GNAI1: variants seen among roughly 807,000 people sequenced by gnomAD.
GNAI1 encodes guanine nucleotide-binding protein G(i) subunit alpha-1.
A neutral mutation model predicts 38.9 loss-of-function variants in GNAI1; 11 were observed. The observed-to-expected ratio is 0.28, with a 90% CI of 0.18 to 0.47. The LOEUF is 0.47. Among genes scored for constraint, GNAI1 ranks in the 20% least tolerant of loss-of-function variants. GNAI1 has a pLI of 0.99. For synonymous variants in GNAI1, 166 were observed against 145.1 expected (o/e 1.14, Z -1.04); for missense variants, 317 against 436.9 (o/e 0.73, Z 2.45).
At chr7:80,177,102 C>T (rs970846966) in intron 1 of GNAI1, among the ~76,000 whole-genome samples, 44 of 131,452 alleles carry the variant, frequency 3.3e-4, no homozygotes, top group African/African-American at 1.3e-3. Context: ...ACAATCTTGG[C>T]TCACTGCAAG....
Position 80,135,113 on chromosome 7 carries a change from C to A in GNAI1, c.-48C>A. 7.7e-7 allele frequency: 1 copy of A among 1,304,360 alleles called. No homozygotes were observed. The allele number at this position is 1,304,360 out of a possible 1,614,324, so 80.8% of individuals were successfully genotyped here. A position where few individuals can be genotyped will look rare whatever the true frequency, so the allele number is the denominator to read the frequency against. On this transcript the variant is annotated 5_prime_UTR_variant, in exon 1 of 8. Coordinates refer to ENST00000649796, the MANE Select transcript of GNAI1 (RefSeq NM_002069.6). ...AAAGGATTCCCCTGTGCTTGGAGCC[C>A]GCACTCGGGCGCGGAGGGAGCGGCG...
Position 80,193,393 on chromosome 7 carries a change from AT to A in GNAI1, c.303+4164del, listed in dbSNP as rs1444607828. On this transcript the variant is annotated intron_variant, in intron 3 of 7. Transcript: ENST00000649796. ...GGCAGTTACCAGATTTTCAAAACAG[AT>A]TAAAGACTGGTTATTTAAAATGAGA... 2.0e-5 allele frequency among the ~76,000 whole-genome samples: 3 copies of A among 152,332 alleles called. No individual in the cohort carries two copies. In the East Asian group the frequency reaches 5.8e-4, roughly 29 times the overall value.
chr7:80,135,305 G>A, intron 1 of GNAI1, 27 bp downstream of exon 1: 1 of 1,282,974 alleles, frequency 7.8e-7, no homozygotes, highest in Non-Finnish European at 1.0e-6. Flanking sequence ...CGGGGCCCGG[G>A]GGTCGGCGGG....
At chr7:80,158,838 G>A (rs747068771) in intron 1 of GNAI1, among the ~76,000 whole-genome samples, 6 of 152,172 alleles carry the variant, frequency 3.9e-5, no homozygotes, top group Non-Finnish European at 8.8e-5. Flanking sequence ...TTCATCCTGG[G>A]ATATGTAGGG....
In GNAI1 at chr7:80,176,900, G is replaced by A. The variant is rs568973840; in HGVS notation, c.119-12051G>A. Among the ~76,000 whole-genome samples the A allele has an allele frequency of 9.2e-5, 12 of 129,880 alleles. 1 individual carries two copies. In the East Asian group the frequency reaches 1.7e-3, roughly 18 times the overall value. The allele number at this position is 129,880 out of a possible 152,430, so 85.2% of individuals were successfully genotyped here. A position where few individuals can be genotyped will look rare whatever the true frequency, so the allele number is the denominator to read the frequency against. On this transcript the variant is annotated intron_variant, in intron 1 of 7. Coordinates refer to ENST00000649796, the MANE Select transcript of GNAI1 (RefSeq NM_002069.6). ...TGCAGTGAGCTGAGATCACGCCACC[G>A]CACTCTAGCCTGGGCGACAAGGGGA...
Position 80,221,636 on chromosome 7 carries a change from CTTTTTTTTT to C in GNAI1, c.*4160_*4168del, listed in dbSNP as rs71518978. Reference sequence around the variant, plus strand: ...ATTTTAATGTTAGGTTGGAAATTTTCTTTTTTTTTTTTTTTTTTTTTTTTTGGTATGGAG... The same window carrying C: ...ATTTTAATGTTAGGTTGGAAATTTTCTTTTTTTTTTTTTTTTGGTATGGAG... On this transcript the variant is annotated 3_prime_UTR_variant, in exon 8 of 8. Transcript: ENST00000649796. 2.1e-4 allele frequency among the ~76,000 whole-genome samples: 20 copies of C among 94,364 alleles called. No homozygotes were observed. The South Asian group carries it at 2.6e-3, about 13-fold the overall frequency. 61.9% of individuals were successfully genotyped at this position (94,364 alleles called of 152,430 possible).
intron 3 of GNAI1, among the ~76,000 whole-genome samples, chr7:80,192,798 G>C (rs948355617): frequency 6.6e-6 from 1 of 151,930 alleles, no homozygotes; most frequent in Non-Finnish European, 1.5e-5. Context: ...CTGGTTCAGC[G>C]ATTCTCCTGC....
chr7:80,156,494 C>G (rs1286762593), intron 1 of GNAI1, among the ~76,000 whole-genome samples: 2 of 151,516 alleles, frequency 1.3e-5, no homozygotes, highest in South Asian at 4.2e-4. Context: ...AGCGGTGCAA[C>G]CATAGCTCAC....
intron 1 of GNAI1, among the ~76,000 whole-genome samples, chr7:80,140,009 A>T (rs1175193708): frequency 1.7e-5 from 2 of 119,834 alleles, no homozygotes; most frequent in African/African-American, 6.7e-5. Flanking sequence ...TTTTTGACGG[A>T]GTCTTGCTCT....
Position 80,221,152 on chromosome 7 carries a change from C to T in GNAI1, c.*3659C>T, listed in dbSNP as rs549596589. 1.9e-4 allele frequency among the ~76,000 whole-genome samples: 29 copies of T among 152,148 alleles called. No homozygotes were observed. In the South Asian group the frequency reaches 6.0e-3, roughly 32 times the overall value. Reference sequence around the variant, plus strand: ...TGGTGAAAATCCTAGGCTCTGGCACCCCGTCTGGCTTCAAATCCTGGCTCA... The same window carrying T: ...TGGTGAAAATCCTAGGCTCTGGCACTCCGTCTGGCTTCAAATCCTGGCTCA... On this transcript the variant is annotated 3_prime_UTR_variant, in exon 8 of 8. Coordinates refer to ENST00000649796, the MANE Select transcript of GNAI1 (RefSeq NM_002069.6).
chr7:80,167,843 C>T (rs1202520664), intron 1 of GNAI1, among the ~76,000 whole-genome samples: 4 of 152,178 alleles, frequency 2.6e-5, no homozygotes, highest in Non-Finnish European at 5.9e-5. Context: ...AAAGTCAACA[C>T]ATATCAAAAT....
At chr7:80,183,902 GATCCT>G (rs1788344033) in intron 1 of GNAI1, among the ~76,000 whole-genome samples, 1 of 151,846 alleles carries the variant, frequency 6.6e-6, no homozygotes, top group African/African-American at 2.4e-5. Flanking sequence ...CCCTTTCCTG[GATCCT>G]ACCGGTAGGC....
At chr7:80,161,078 G>A (rs576165733) in intron 1 of GNAI1, among the ~76,000 whole-genome samples, 31 of 152,228 alleles carry the variant, frequency 2.0e-4, no homozygotes, top group African/African-American at 7.2e-4. Flanking sequence ...TCCTCAAAAA[G>A]AAAGTAGAGT....
At chr7:80,141,120 G>A (rs1034702) in intron 1 of GNAI1, among the ~76,000 whole-genome samples, 137,369 of 152,262 alleles carry the variant, frequency 0.9, 62,801 homozygotes, top group Non-Finnish European at 0.97. Context: ...CTTTTGCCCT[G>A]TGAGGTGACA....
chr7:80,189,929 G>C lies in GNAI1; in HGVS notation c.303+698G>C, dbSNP rs184190957. ...GAAGCAGCCCAATCCAATCCGTAAGGCACCTTTGTTTTCTTTTTTTTTCTC... is the reference window on the plus strand; with the variant it reads ...GAAGCAGCCCAATCCAATCCGTAAGCCACCTTTGTTTTCTTTTTTTTTCTC... On this transcript the variant is annotated intron_variant, in intron 3 of 7. Transcript: ENST00000649796. Among the ~76,000 whole-genome samples, 74 of 151,736 alleles carry C rather than the reference G, an allele frequency of 4.9e-4. 2 individuals carry two copies. In the East Asian group the frequency reaches 0.013, roughly 27 times the overall value.
rs1788322856 is a variant in GNAI1 at position 80,183,086 on chromosome 7, GAC to G, written c.119-5863_119-5862del. Among the ~76,000 whole-genome samples the G allele has an allele frequency of 1.3e-5, 2 of 152,108 alleles. 1 individual carries two copies. Among genetic ancestry groups the G allele is most frequent in the South Asian group, 4.1e-4 (2 of 4,832 alleles). ...AGATGGCTCCCAGGTCCTTGAGAAA[GAC>G]ATTCCTGAGTCATAAAGCTGGCAGA... On this transcript the variant is annotated intron_variant, in intron 1 of 7. Transcript: ENST00000649796.
At chr7:80,177,304 A>C (rs986045200) in intron 1 of GNAI1, among the ~76,000 whole-genome samples, 4 of 152,106 alleles carry the variant, frequency 2.6e-5, no homozygotes, top group Non-Finnish European at 4.4e-5. Flanking sequence ...TGCTGGGATT[A>C]CAGGCATGAG....
At chr7:80,212,405 A>G (rs974736572) in intron 6 of GNAI1, among the ~76,000 whole-genome samples, 1 of 152,202 alleles carries the variant, frequency 6.6e-6, no homozygotes, top group Non-Finnish European at 1.5e-5. Context: ...TGACAATGTC[A>G]TTTCTTTTCA....
intron 1 of GNAI1, among the ~76,000 whole-genome samples, chr7:80,149,645 A>G (rs1787690203): frequency 6.6e-6 from 1 of 152,162 alleles, no homozygotes; most frequent in Non-Finnish European, 1.5e-5. Flanking sequence ...GAGATTCATC[A>G]GAACCTGTCT....
Sources: gnomAD v4.1 joint callset for allele counts (sites outside exome capture counted in the v4.1 genomes callset) on GRCh38, gnomAD v4.1.1 for gene constraint, MANE v1.5 for transcripts, NCBI Gene and HGNC (gene_info 2026-07-23, HGNC 2026-07-21) for gene names.